Variants in SOX6 observed in about 807,000 individuals in gnomAD.
SOX6 encodes the protein SRY-box transcription factor 6.
A neutral mutation model predicts 97.8 loss-of-function variants in SOX6; 11 were observed. The observed-to-expected ratio is 0.11, with a 90% CI of 0.07 to 0.19. The LOEUF is 0.19. Ranked by LOEUF, SOX6 falls within the 10% of genes least tolerant of loss-of-function variation. The probability of loss-of-function intolerance (pLI) is 1.00; values close to 1 mark genes in which losing one functional copy is unlikely to be tolerated. For synonymous variants in SOX6, 360 were observed against 371.4 expected (o/e 0.97, Z 0.35); for missense variants, 810 against 1,039.5 (o/e 0.78, Z 3.04).
At chr11:16,349,740 G>A (rs1181107647) in intron 1 of SOX6, among the ~76,000 whole-genome samples, 1 of 134,882 alleles carries the variant, frequency 7.4e-6, no homozygotes, top group African/African-American at 2.6e-5. Flanking sequence ...AGGAAGGAAG[G>A]AAGGAAGGAA....
At chr11:16,081,007 T>C (rs1474896885) in intron 9 of SOX6, among the ~76,000 whole-genome samples, 2 of 152,102 alleles carry the variant, frequency 1.3e-5, no homozygotes, top group Non-Finnish European at 2.9e-5. Context: ...GAGGATCACT[T>C]GTGCTCAGGA....
intron 9 of SOX6, among the ~76,000 whole-genome samples, chr11:16,092,341 C>T (rs1051503587): frequency 2.6e-5 from 4 of 151,968 alleles, no homozygotes; most frequent in African/African-American, 7.2e-5. Flanking sequence ...AGAACTGATA[C>T]GCTTCCTTCC....
intron 6 of SOX6, among the ~76,000 whole-genome samples, chr11:16,183,245 T>C (rs78099035): frequency 0.011 from 1,745 of 152,044 alleles, 29 homozygotes; most frequent in African/African-American, 0.04. Flanking sequence ...CCATCACCTT[T>C]CCTCCCCAGA....
intron 4 of SOX6, among the ~76,000 whole-genome samples, chr11:16,227,459 G>T (rs1852719837): frequency 6.6e-6 from 1 of 150,778 alleles, no homozygotes; most frequent in East Asian, 2.0e-4. Context: ...TTCAAGACAG[G>T]GTCTCACTCT....
chr11:16,581,596 T>C (rs2133967231), intron 4 of SOX6, among the ~76,000 whole-genome samples: 1 of 152,174 alleles, frequency 6.6e-6, no homozygotes, highest in African/African-American at 2.4e-5. Context: ...ATGTCTCCCA[T>C]GACTTAGTGT....
At chr11:16,044,966 GTCTA>G (rs67426027) in intron 12 of SOX6, among the ~76,000 whole-genome samples, 30,775 of 151,180 alleles carry the variant, frequency 0.2, 3,187 homozygotes, top group African/African-American at 0.23. Flanking sequence ...CTGTCTATCT[GTCTA>G]TCTATCTATC....
At chr11:16,440,176 GGT>G (rs1347682553) in intron 1 of SOX6, among the ~76,000 whole-genome samples, 1 of 152,308 alleles carries the variant, frequency 6.6e-6, no homozygotes, top group East Asian at 1.9e-4. Flanking sequence ...ACGCACTGCT[GGT>G]CAGCATTAGC....
chr11:16,252,025 G>A (rs535273448), intron 3 of SOX6, among the ~76,000 whole-genome samples: 23 of 151,896 alleles, frequency 1.5e-4, no homozygotes, highest in Non-Finnish European at 3.1e-4. Flanking sequence ...GTAAGACTAG[G>A]AGAGTACCTT....
At chr11:16,573,703 T>C (rs1847958515) in intron 4 of SOX6, among the ~76,000 whole-genome samples, 1 of 152,196 alleles carries the variant, frequency 6.6e-6, no homozygotes, top group South Asian at 2.1e-4. Context: ...TTTAACCTAT[T>C]AACCAATTGA....
intron 4 of SOX6, among the ~76,000 whole-genome samples, chr11:16,229,419 T>A (rs1299915967): frequency 6.6e-6 from 1 of 151,522 alleles, no homozygotes; most frequent in African/African-American, 2.4e-5. Flanking sequence ...AAAGGAGAGA[T>A]AATAAGGGTA....
intron 11 of SOX6, 156 bp downstream of exon 11, chr11:16,049,599 G>T: frequency 1.2e-6 from 1 of 851,506 alleles, no homozygotes; most frequent in African/African-American, 1.7e-5. Context: ...TCTAATAAAA[G>T]AAGATACTAA....
chr11:16,642,819 T>C (rs981230973), intron 3 of SOX6, among the ~76,000 whole-genome samples: 9 of 152,222 alleles, frequency 5.9e-5, no homozygotes, highest in African/African-American at 2.2e-4. Context: ...ATTCATCTAA[T>C]CTTTTTTCAA....
intron 2 of SOX6, among the ~76,000 whole-genome samples, chr11:16,339,371 C>T (rs924473129): frequency 2.6e-5 from 4 of 151,966 alleles, no homozygotes; most frequent in Non-Finnish European, 1.5e-5. Flanking sequence ...AACTCTCCAG[C>T]GACGAAGGCC....
chr11:16,006,422 T>C (rs1366962632), intron 13 of SOX6, among the ~76,000 whole-genome samples: 2 of 152,110 alleles, frequency 1.3e-5, no homozygotes, highest in Non-Finnish European at 2.9e-5. Flanking sequence ...CAAATATTTA[T>C]TAATTGCAAG....
intron 6 of SOX6, among the ~76,000 whole-genome samples, chr11:16,172,039 C>G (rs1359819886): frequency 6.6e-6 from 1 of 151,748 alleles, no homozygotes; most frequent in Non-Finnish European, 1.5e-5. Context: ...AGTCTCCCTT[C>G]ACAGCTTAAG....
rs570083957 is a variant in SOX6, at chr11:16,461,290, C to G, written c.-5+15025G>C. On this transcript the variant is annotated intron_variant, in intron 1 of 15. Coordinates refer to the SOX6 transcript ENST00000396356. Reference sequence around the variant, plus strand: ...TTTTACCTGAAATTTTGCAGTAGTCCTCACAAGTTGCTTCTGTAGCTTCTC... The same window carrying G: ...TTTTACCTGAAATTTTGCAGTAGTCGTCACAAGTTGCTTCTGTAGCTTCTC... 2.1e-4 allele frequency among the ~76,000 whole-genome samples: 32 copies of G among 151,728 alleles called. No individual in the cohort carries two copies. In the South Asian group the frequency reaches 6.7e-3, roughly 32 times the overall value.
intron 4 of SOX6, among the ~76,000 whole-genome samples, chr11:16,200,807 G>T (rs1851914917): frequency 6.6e-6 from 1 of 151,958 alleles, no homozygotes; most frequent in African/African-American, 2.4e-5. Flanking sequence ...CATATAGTAG[G>T]TCTTAAAAAA....
chr11:15,977,447 A>G (rs905577078), intron 15 of SOX6, among the ~76,000 whole-genome samples: 3 of 151,066 alleles, frequency 2.0e-5, no homozygotes, highest in Admixed American at 6.6e-5. Flanking sequence ...TTCACTCCCC[A>G]CCCCATCTGA....
upstream of SOX6, among the ~76,000 whole-genome samples, chr11:16,358,889 G>A (rs1565111071): frequency 1.3e-5 from 2 of 152,134 alleles, no homozygotes; most frequent in Non-Finnish European, 2.9e-5. Flanking sequence ...TGCCAGTTCT[G>A]TGTCTACTAC....
Sources: gnomAD v4.1 joint callset for allele counts (sites outside exome capture counted in the v4.1 genomes callset) on GRCh38, gnomAD v4.1.1 for gene constraint, MANE v1.5 for transcripts, NCBI Gene and HGNC (gene_info 2026-07-23, HGNC 2026-07-21) for gene names.